SLC39A11: variants seen among roughly 807,000 people sequenced by gnomAD.
SLC39A11 encodes the protein solute carrier family 39 member 11.
A neutral mutation model predicts 36.1 loss-of-function variants in SLC39A11; 33 were observed. The observed-to-expected ratio is 0.91, with a 90% CI of 0.69 to 1.22. SLC39A11 has a LOEUF of 1.22. SLC39A11 is among the 50% of genes most tolerant of loss of function. The pLI, the probability that SLC39A11 is intolerant of heterozygous loss-of-function variation, is 0.00. For missense variants in SLC39A11, 432 were observed against 430.3 expected (o/e 1.00, Z -0.03); for synonymous variants, 166 against 170.3 (o/e 0.97, Z 0.20).
intron 4 of SLC39A11, among the ~76,000 whole-genome samples, chr17:72,966,308 C>G (rs2086969410): frequency 6.6e-6 from 1 of 152,176 alleles, no homozygotes; most frequent in African/African-American, 2.4e-5. Flanking sequence ...TCCACGCAAG[C>G]CGGCCCAGGC....
At chr17:73,015,069 C>G (rs963163204) in intron 4 of SLC39A11, among the ~76,000 whole-genome samples, 2 of 152,200 alleles carry the variant, frequency 1.3e-5, no homozygotes, top group Admixed American at 1.3e-4. Context: ...TTCCCTTCCA[C>G]GCCCATCTAT....
intron 3 of SLC39A11, among the ~76,000 whole-genome samples, chr17:73,057,770 T>A (rs188908476): frequency 1.5e-4 from 23 of 152,282 alleles, no homozygotes; most frequent in Non-Finnish European, 2.4e-4. Context: ...AAACCCTGTC[T>A]CTACAAAAAT....
chr17:73,082,857 A>G (rs1396536441), intron 3 of SLC39A11, among the ~76,000 whole-genome samples: 1 of 6,358 alleles, frequency 1.6e-4, no homozygotes, highest in Non-Finnish European at 3.2e-4. Context: ...CTAAAACCAC[A>G]AAAAAAAAAT....
At chr17:72,751,233 G>A (rs2144324858) in intron 6 of SLC39A11, among the ~76,000 whole-genome samples, 1 of 152,316 alleles carries the variant, frequency 6.6e-6, no homozygotes, top group South Asian at 2.1e-4. Context: ...GGGCGACAGA[G>A]TGAGACTCCA....
chr17:72,819,325 A>G (rs976609198), intron 6 of SLC39A11, among the ~76,000 whole-genome samples: 2 of 151,278 alleles, frequency 1.3e-5, no homozygotes, highest in African/African-American at 4.8e-5. Flanking sequence ...ACAGCCCTGG[A>G]ACAGATCCTT....
rs571021121 is a variant in SLC39A11 at position 72,680,341 on chromosome 17, C to T, written c.672-31073G>A. Among the ~76,000 whole-genome samples, 7 of 152,296 alleles carry T rather than the reference C, an allele frequency of 4.6e-5. No homozygotes were observed. The East Asian group carries it at 9.7e-4, about 21-fold the overall frequency. ...AGCACATGAATATGATACGGTTTGG[C>T]TGTGTCTCCACCCAAATCTCATCTT... On this transcript the variant is annotated intron_variant, in intron 7 of 9. Transcript: ENST00000255559.
At chr17:72,850,247 G>C (rs1489022808) in intron 5 of SLC39A11, among the ~76,000 whole-genome samples, 1 of 152,008 alleles carries the variant, frequency 6.6e-6, no homozygotes, top group Non-Finnish European at 1.5e-5. Flanking sequence ...CCAGGAGTTC[G>C]AGACCAGCCT....
intron 3 of SLC39A11, among the ~76,000 whole-genome samples, chr17:73,057,403 C>T (rs2059702462): frequency 6.6e-6 from 1 of 152,206 alleles, no homozygotes; most frequent in Non-Finnish European, 1.5e-5. Flanking sequence ...TTTATGTTGA[C>T]TGACAATTCT....
chr17:72,696,174 TG>T (rs969030644), intron 7 of SLC39A11, among the ~76,000 whole-genome samples: 1 of 151,700 alleles, frequency 6.6e-6, no homozygotes, highest in African/African-American at 2.4e-5. Context: ...TTGGGAGTCA[TG>T]GGGCAGGGGG....
At chr17:72,741,915 C>T (rs924361837) in intron 6 of SLC39A11, among the ~76,000 whole-genome samples, 1 of 151,884 alleles carries the variant, frequency 6.6e-6, no homozygotes, top group African/African-American at 2.4e-5. Flanking sequence ...AGAATGAGTA[C>T]CCAGCCGGGC....
intron 4 of SLC39A11, among the ~76,000 whole-genome samples, chr17:73,025,534 T>G (rs2058504938): frequency 6.6e-6 from 1 of 152,120 alleles, no homozygotes; most frequent in African/African-American, 2.4e-5. Context: ...ATGAACTGGA[T>G]GACAGAATGT....
chr17:73,072,150 A>C (rs1276442874), intron 3 of SLC39A11: 1 of 152,108 alleles, frequency 6.6e-6, no homozygotes, highest in African/African-American at 2.4e-5. Flanking sequence ...ACATATACTC[A>C]TTCCCGCCCT....
rs537008933 is a variant in SLC39A11 at position 73,088,808 on chromosome 17, G to A, written c.-11-33C>T. Reference sequence around the variant, plus strand: ...AGAGGAGCGAGAGGGTCAGCCACCGGTGGTCCGTTTCAGTGACAGGCGCAT... The same window carrying A: ...AGAGGAGCGAGAGGGTCAGCCACCGATGGTCCGTTTCAGTGACAGGCGCAT... On this transcript the variant is annotated intron_variant, in intron 1 of 9. Transcript: ENST00000255559. 12 of 1,500,252 alleles carry A rather than the reference G, an allele frequency of 8.0e-6. No homozygotes were observed. In the East Asian group the frequency reaches 2.7e-4, roughly 33 times the overall value. The allele number at this position is 1,500,252 out of a possible 1,614,324, so 92.9% of individuals were successfully genotyped here. A position where few individuals can be genotyped will look rare whatever the true frequency, so the allele number is the denominator to read the frequency against.
chr17:72,733,856 G>A (rs879120832), intron 7 of SLC39A11, among the ~76,000 whole-genome samples: 1 of 152,150 alleles, frequency 6.6e-6, no homozygotes, highest in Non-Finnish European at 1.5e-5. Flanking sequence ...CCCATAGCAG[G>A]CTGTTTCTGC....
At chr17:72,731,713 TTTTGTTTG>T (rs55797288) in intron 7 of SLC39A11, among the ~76,000 whole-genome samples, 115 of 150,118 alleles carry the variant, frequency 7.7e-4, no homozygotes, top group East Asian at 1.6e-3. Context: ...GCATTCCTTT[TTTTGTTTG>T]TTTGTTTGTT....
intron 7 of SLC39A11, among the ~76,000 whole-genome samples, chr17:72,694,533 A>G (rs548009517): frequency 8.5e-5 from 13 of 152,118 alleles, no homozygotes; most frequent in Non-Finnish European, 1.5e-4. Flanking sequence ...GCTCCCCTCC[A>G]TTGCCCCAAC....
At chr17:72,700,861 C>G (rs1030240284) in intron 7 of SLC39A11, among the ~76,000 whole-genome samples, 11 of 152,208 alleles carry the variant, frequency 7.2e-5, no homozygotes, top group African/African-American at 2.7e-4. Context: ...TATCCACTAC[C>G]ATGAGAACAG....
intron 7 of SLC39A11, among the ~76,000 whole-genome samples, chr17:72,717,273 G>C (rs2073446903): frequency 6.6e-6 from 1 of 151,986 alleles, no homozygotes; most frequent in African/African-American, 2.4e-5. Context: ...GGACCTCAGG[G>C]ACAGAGAAGA....
At chr17:72,683,583 C>T (rs903181935) in intron 7 of SLC39A11, among the ~76,000 whole-genome samples, 4 of 151,996 alleles carry the variant, frequency 2.6e-5, no homozygotes, top group African/African-American at 4.8e-5. Flanking sequence ...GTGATCCTCC[C>T]GCCTCTGCTT....
Sources: allele counts gnomAD v4.1 joint callset (sites outside exome capture counted in the v4.1 genomes callset), GRCh38; gene constraint gnomAD v4.1.1; transcripts MANE v1.5; gene names NCBI Gene and HGNC (gene_info 2026-07-23, HGNC 2026-07-21).